The following RIMS2 variants were observed in gnomAD, a reference collection of about 807,000 sequenced individuals.
RIMS2 encodes the protein regulating synaptic membrane exocytosis protein 2.
RIMS2 carries 59 observed loss-of-function variants against 174.4 expected under a neutral mutation model. That is an observed-to-expected ratio of 0.34 (90% confidence interval 0.27 to 0.42). RIMS2 has a LOEUF of 0.42. Among genes scored for constraint, RIMS2 ranks in the 10% least tolerant of loss-of-function variants. The pLI is 1.00. For missense variants in RIMS2, 1,620 were observed against 1,666.3 expected, an observed-to-expected ratio of 0.97 and a Z score of 0.48; for synonymous variants, 606 against 572.5, an observed-to-expected ratio of 1.06 and a Z score of -0.84.
chr8:103,763,667 G>A (rs2098136612), intron 2 of RIMS2, among the ~76,000 whole-genome samples: 1 of 152,086 alleles, frequency 6.6e-6, no homozygotes, highest in African/African-American at 2.4e-5. Context: ...ATTAACACAT[G>A]GAGAGTCTTT....
rs900142053 is a variant in RIMS2 at position 103,886,329 on chromosome 8, T to C, written c.1624+106T>C. On this transcript the variant is annotated intron_variant, in intron 4 of 23. Transcript: ENST00000504942. Reference sequence around the variant, plus strand: ...TTAATAGGTATTACTAGTAGCTTTATTTTAAAAGTCTTTTAATGGCATCGA... The same window carrying C: ...TTAATAGGTATTACTAGTAGCTTTACTTTAAAAGTCTTTTAATGGCATCGA... The C allele has an allele frequency of 3.8e-5, 36 of 944,074 alleles. No homozygotes were observed. The East Asian group carries it at 9.2e-4, about 24-fold the overall frequency. 58.5% of individuals were successfully genotyped at this position (944,074 alleles called of 1,614,324 possible).
intron 1 of RIMS2, among the ~76,000 whole-genome samples, chr8:103,689,371 A>C (rs1478138608): frequency 3.9e-5 from 6 of 151,910 alleles, no homozygotes; most frequent in Non-Finnish European, 2.9e-5. Flanking sequence ...TATTAATTCC[A>C]TTTGGTCTGT....
intron 2 of RIMS2, among the ~76,000 whole-genome samples, chr8:103,731,834 G>A (rs1408435344): frequency 1.3e-5 from 2 of 152,026 alleles, no homozygotes; most frequent in East Asian, 1.9e-4. Context: ...TTATCTGATA[G>A]GATTCTGAAT....
At position 103,766,209 on chromosome 8, in the gene RIMS2, C is replaced by G. The variant is rs2098169344; in HGVS notation, c.388-18C>G. 2 of 1,564,098 alleles carry G rather than the reference C, an allele frequency of 1.3e-6. No homozygotes were observed. Among genetic ancestry groups the G allele is most frequent in the Admixed American group, 3.8e-5 (2 of 53,312 alleles). On this transcript the variant is annotated intron_variant, in intron 2 of 23. Coordinates refer to ENST00000504942, the Ensembl canonical transcript of RIMS2. Reference sequence around the variant, plus strand: ...TTTTGGGAACACTAATTTTTTCCCCCTATGTCTTCATGTGCAGGTTATGTG... The same window carrying G: ...TTTTGGGAACACTAATTTTTTCCCCGTATGTCTTCATGTGCAGGTTATGTG...
At chr8:103,952,669 A>G (rs1415516499) in intron 14 of RIMS2, among the ~76,000 whole-genome samples, 2 of 152,220 alleles carry the variant, frequency 1.3e-5, no homozygotes, top group East Asian at 3.9e-4. Flanking sequence ...CCAGTGCAAA[A>G]AGGCTGAAAA....
At chr8:103,912,972 T>TG (rs1423755055) in intron 6 of RIMS2, among the ~76,000 whole-genome samples, 7 of 140,716 alleles carry the variant, frequency 5.0e-5, no homozygotes, top group African/African-American at 7.8e-5. Flanking sequence ...TTTTTGTTGT[T>TG]TTTTTTTTTT....
intron 3 of RIMS2, among the ~76,000 whole-genome samples, chr8:103,820,916 A>T (rs961639193): frequency 1.3e-5 from 2 of 151,376 alleles, no homozygotes; most frequent in African/African-American, 4.8e-5. Flanking sequence ...TATATATTTT[A>T]TGTTATATTT....
At chr8:103,530,088 G>A (rs887691785) in intron 1 of RIMS2, among the ~76,000 whole-genome samples, 23 of 152,218 alleles carry the variant, frequency 1.5e-4, no homozygotes, top group East Asian at 5.8e-4. Context: ...ATCTTAGTGC[G>A]TTTTAAATAT....
At chr8:103,617,715 A>G (rs1232470904) in intron 1 of RIMS2, among the ~76,000 whole-genome samples, 1 of 152,222 alleles carries the variant, frequency 6.6e-6, no homozygotes, top group Non-Finnish European at 1.5e-5. Flanking sequence ...GACACTTCTC[A>G]AAAGAAGATG....
intron 15 of RIMS2, among the ~76,000 whole-genome samples, chr8:103,961,526 A>C (rs1673336018): frequency 1.3e-5 from 2 of 152,176 alleles, no homozygotes; most frequent in South Asian, 4.1e-4. Flanking sequence ...GGAGTTTTTG[A>C]AACTTTAAAA....
At chr8:103,691,318 G>C (rs749086870) in intron 1 of RIMS2, among the ~76,000 whole-genome samples, 2 of 152,078 alleles carry the variant, frequency 1.3e-5, no homozygotes, top group African/African-American at 4.8e-5. Flanking sequence ...ATAACTCTTA[G>C]ATTTGCCATT....
chr8:103,955,980 A>T (rs943002934), intron 14 of RIMS2, among the ~76,000 whole-genome samples: 25 of 152,202 alleles, frequency 1.6e-4, no homozygotes, highest in African/African-American at 6.0e-4. Flanking sequence ...GAGCCAAATG[A>T]TGAGTGAAAT....
At chr8:103,822,483 CTAA>C (rs1163522215) in intron 3 of RIMS2, among the ~76,000 whole-genome samples, 1 of 151,586 alleles carries the variant, frequency 6.6e-6, no homozygotes, top group Admixed American at 6.6e-5. Flanking sequence ...AATTAATTAA[CTAA>C]TGATTAAATG....
chr8:104,083,827 T>A (rs1396890415), intron 19 of RIMS2, among the ~76,000 whole-genome samples: 6 of 152,118 alleles, frequency 3.9e-5, no homozygotes, highest in Non-Finnish European at 8.8e-5. Flanking sequence ...GAGGCAGATA[T>A]TTCAGATGAC....
chr8:104,000,289 G>A (rs1334013308), intron 17 of RIMS2, among the ~76,000 whole-genome samples: 3 of 151,444 alleles, frequency 2.0e-5, no homozygotes, highest in Non-Finnish European at 3.0e-5. Flanking sequence ...TATATGAGTG[G>A]AAACATGCAA....
intron 14 of RIMS2, 120 bp downstream of exon 16, chr8:103,943,046 A>G (rs1392812814): frequency 1.4e-6 from 1 of 697,448 alleles, no homozygotes. Context: ...TAGTGTTTCC[A>G]TAGCTATGAA....
intron 19 of RIMS2, among the ~76,000 whole-genome samples, chr8:104,190,677 G>A (rs1204729323): frequency 6.6e-6 from 1 of 152,014 alleles, no homozygotes; most frequent in Non-Finnish European, 1.5e-5. Context: ...TTGATGTAGA[G>A]TGGGCTATCT....
intron 1 of RIMS2, among the ~76,000 whole-genome samples, chr8:103,693,107 C>T (rs1431634980): frequency 1.3e-5 from 2 of 152,130 alleles, no homozygotes; most frequent in Admixed American, 6.5e-5. Flanking sequence ...CTAAATGCTC[C>T]CTCTATGAGG....
chr8:104,159,991 T>A (rs945229171), intron 19 of RIMS2, among the ~76,000 whole-genome samples: 3 of 151,820 alleles, frequency 2.0e-5, no homozygotes, highest in Non-Finnish European at 4.4e-5. Flanking sequence ...ATACAAAAAT[T>A]AGGTGGGCAT....
Sources: allele counts gnomAD v4.1 joint callset (sites outside exome capture counted in the v4.1 genomes callset), GRCh38; gene constraint gnomAD v4.1.1; transcripts MANE v1.5; gene names NCBI Gene and HGNC (gene_info 2026-07-23, HGNC 2026-07-21).